ARMCX4: variants seen among roughly 807,000 people sequenced by gnomAD.
The protein encoded by ARMCX4 is armadillo repeat-containing X-linked protein 4.
A neutral mutation model predicts 34.7 loss-of-function variants in ARMCX4; 3 were observed. The ratio of observed to expected loss-of-function variants is 0.09; its 90% CI spans 0.04 to 0.22. ARMCX4 has a LOEUF of 0.22. ARMCX4 is among the 10% of genes least tolerant of loss of function. The pLI, the probability that ARMCX4 is intolerant of heterozygous loss-of-function variation, is 1.00. For missense variants in ARMCX4, 1,448 were observed against 1,720.8 expected (o/e 0.84, Z 2.81); for synonymous variants, 513 against 632.8 (o/e 0.81, Z 2.84).
At chrX:101,521,710 G>C (rs1467527192) in intron 11 of ARMCX4, among the ~76,000 whole-genome samples, 1 of 110,328 alleles carries the variant, frequency 9.1e-6, no homozygotes, top group Non-Finnish European at 1.9e-5. Flanking sequence ...CATAAGTTTT[G>C]GTATGTTGTA....
chrX:101,516,307 C>T (rs1279390371), intron 11 of ARMCX4, among the ~76,000 whole-genome samples: 4 of 111,067 alleles, frequency 3.6e-5, no homozygotes, highest in African/African-American at 1.3e-4. Flanking sequence ...TTATAAACAG[C>T]GGATTTCTAA....
At chrX:101,476,140 A>G (rs1488892395) in intron 4 of ARMCX4, among the ~76,000 whole-genome samples, 1 of 110,398 alleles carries the variant, frequency 9.1e-6, no homozygotes, top group Non-Finnish European at 1.9e-5. Context: ...AAGAGTACTC[A>G]TAGGGGTCAT....
intron 2 of ARMCX4, among the ~76,000 whole-genome samples, chrX:101,434,617 T>C (rs1379301989): frequency 9.0e-6 from 1 of 111,143 alleles, no homozygotes; most frequent in African/African-American, 3.3e-5. Flanking sequence ...TTTTTTATTC[T>C]ATTCAATTTA....
Position 101,495,131 on chromosome X carries a change from A to G in ARMCX4, c.6542A>G (p.Asp2181Gly). Residue 2181 changes from aspartate (D) to glycine (G), a missense_variant, in exon 6 of 6, where the codon GAC (aspartate) becomes GGC (glycine). This residue lies in a region of ARMCX4 where 105 missense variants were observed against 180.2 expected (regional missense o/e 0.58). Transcript: ENST00000423738. ...LLTVGSGETKDHVLGMLLNFS... is the reference protein window; with the variant it reads ...LLTVGSGETKGHVLGMLLNFS... Reference sequence around the variant, plus strand: ...ACGGTGGGAAGTGGAGAAACTAAAGACCATGTTTTGGGAATGCTTTTGAAT... The same window carrying G: ...ACGGTGGGAAGTGGAGAAACTAAAGGCCATGTTTTGGGAATGCTTTTGAAT... The G allele has an allele frequency of 8.7e-7, 1 of 1,155,994 alleles. No homozygotes were observed.
At chrX:101,455,483 G>T (rs782628044) in intron 4 of ARMCX4, among the ~76,000 whole-genome samples, 1 of 110,539 alleles carries the variant, frequency 9.0e-6, no homozygotes, top group East Asian at 2.8e-4. Context: ...GAGCATATTT[G>T]TAGTAAGTAA....
At chrX:101,431,825 G>A (rs1393953131) in intron 2 of ARMCX4, among the ~76,000 whole-genome samples, 1 of 112,523 alleles carries the variant, frequency 8.9e-6, no homozygotes, top group Non-Finnish European at 1.9e-5. Flanking sequence ...TTATAGGCGT[G>A]AGCCACCACG....
chrX:101,420,222 G>T (rs1041904283), intron 2 of ARMCX4, among the ~76,000 whole-genome samples: 1 of 111,593 alleles, frequency 9.0e-6, no homozygotes, highest in Non-Finnish European at 1.9e-5. Context: ...AGCTGGGCAT[G>T]GTGGTGTGCG....
intron 7 of ARMCX4, among the ~76,000 whole-genome samples, chrX:101,501,544 G>A (rs1440299792): frequency 1.3e-4 from 15 of 112,552 alleles, no homozygotes; most frequent in African/African-American, 4.8e-4. Context: ...AGCAGCAGTA[G>A]CAGCAGCAGC....
At position 101,477,430 on chromosome X, in the gene ARMCX4, CAAAAAAAAAAAA is replaced by C. The variant is rs1156582627; in HGVS notation, c.-472-8569_-472-8558del. On this transcript the variant is annotated intron_variant and NMD_transcript_variant, in intron 4 of 15. Coordinates refer to the ARMCX4 transcript ENST00000433011. ...TGGGTGACAGAGCGAGACTCTGTCT[CAAAAAAAAAAAA>C]AAAAAAAAAAAAAAAAAAAAAAATC... Among the ~76,000 whole-genome samples the C allele has an allele frequency of 9.6e-3, 120 of 12,477 alleles. 2 individuals are homozygous for C. The highest frequency in any genetic ancestry group is 0.011 in the Non-Finnish European group (84 of 7,784). The allele number at this position is 12,477 out of a possible 115,157, so 10.8% of individuals were successfully genotyped here. A position where few individuals can be genotyped will look rare whatever the true frequency, so the allele number is the denominator to read the frequency against.
intron 11 of ARMCX4, among the ~76,000 whole-genome samples, chrX:101,525,051 C>T (rs922947773): frequency 1.8e-5 from 2 of 111,438 alleles, no homozygotes; most frequent in Non-Finnish European, 3.8e-5. Flanking sequence ...CAGTAGGGGC[C>T]GACTGACACC....
chrX:101,523,562 G>T (rs1353188387), intron 11 of ARMCX4, among the ~76,000 whole-genome samples: 1 of 111,920 alleles, frequency 8.9e-6, no homozygotes, highest in East Asian at 2.8e-4. Flanking sequence ...AAATATCTGA[G>T]CAGGGACACC....
intron 11 of ARMCX4, among the ~76,000 whole-genome samples, chrX:101,522,097 G>A (rs911909951): frequency 1.8e-5 from 2 of 111,391 alleles, no homozygotes; most frequent in East Asian, 5.6e-4. Context: ...TAGAAGTGGA[G>A]TATTGAATTA....
chrX:101,426,179 C>G (rs781959022), intron 2 of ARMCX4, among the ~76,000 whole-genome samples: 3 of 110,799 alleles, frequency 2.7e-5, no homozygotes, highest in Non-Finnish European at 5.7e-5. Flanking sequence ...AATTAAGGGT[C>G]TGTAGGGAGT....
In ARMCX4 at chrX:101,443,186, G is replaced by A. The variant is rs1931419230; in HGVS notation, n.165-866G>A. Among the ~76,000 whole-genome samples, 3 of 108,265 alleles carry A rather than the reference G, an allele frequency of 2.8e-5. No individual in the cohort carries two copies. In the South Asian group the frequency reaches 1.2e-3, roughly 45 times the overall value. The allele number at this position is 108,265 out of a possible 115,157, so 94.0% of individuals were successfully genotyped here. ...CCCCAATTAAACAGTATTAAAAGGT[G>A]TAGCCTTTTGGAGGCCACATCTTTT... On this transcript the variant is annotated intron_variant and non_coding_transcript_variant, in intron 2 of 3. Transcript: ENST00000430461.
At chrX:101,431,185 G>A (rs781835782) in intron 2 of ARMCX4, among the ~76,000 whole-genome samples, 29 of 111,651 alleles carry the variant, frequency 2.6e-4, no homozygotes, top group Non-Finnish European at 5.1e-4. Flanking sequence ...CTCCCAAGCT[G>A]TAAGAACAGC....
chrX:101,421,800 C>T lies in ARMCX4; in HGVS notation n.164+2800C>T, dbSNP rs1322477614. Among the ~76,000 whole-genome samples, 12 of 110,242 alleles carry T rather than the reference C, an allele frequency of 1.1e-4. No homozygotes were observed. In the Admixed American group the frequency reaches 1.2e-3, roughly 11 times the overall value. ...TAGAGCCCTCATGGCTTAATCACCT[C>T]TTAAAAGTCTCACCTCTTAATACTA... On this transcript the variant is annotated intron_variant and non_coding_transcript_variant, in intron 2 of 3. Transcript: ENST00000430461.
chrX:101,518,709 G>T (rs1310031047), intron 11 of ARMCX4, among the ~76,000 whole-genome samples: 1 of 110,710 alleles, frequency 9.0e-6, no homozygotes, highest in Non-Finnish European at 1.9e-5. Context: ...AACACACAAA[G>T]ATTGAAAATA....
Position 101,486,947 on chromosome X carries a change from T to TAAATA in ARMCX4, c.-366-219_-366-215dup, listed in dbSNP as rs782006379. ...GTCTCAAAATAAATAAAAAATAAAATAAATAAAATAAAATAAAATAAAATA... is the reference window on the plus strand; with the variant it reads ...GTCTCAAAATAAATAAAAAATAAAATAAATAAAATAAAATAAAATAAAATAAAATA... On this transcript the variant is annotated intron_variant, in intron 2 of 5. Coordinates refer to ENST00000423738, the MANE Select transcript of ARMCX4 (RefSeq NM_001256155.3). 5.6e-3 allele frequency among the ~76,000 whole-genome samples: 598 copies of TAAATA among 106,233 alleles called. 3 individuals are homozygous for TAAATA. Among genetic ancestry groups the TAAATA allele is most frequent in the African/African-American group, 0.015 (424 of 28,720 alleles). The allele number at this position is 106,233 out of a possible 115,157, so 92.3% of individuals were successfully genotyped here.
intron 4 of ARMCX4, among the ~76,000 whole-genome samples, chrX:101,476,588 A>T (rs782056795): frequency 9.0e-6 from 1 of 111,338 alleles, no homozygotes; most frequent in South Asian, 3.7e-4. Context: ...ATTTAAGAAA[A>T]AAAAGCATCT....
Sources: gnomAD v4.1 joint callset for allele counts (sites outside exome capture counted in the v4.1 genomes callset) on GRCh38, gnomAD v4.1.1 for gene constraint, gnomAD v4.1.1 regional missense constraint, MANE v1.5 for transcripts, NCBI Gene and HGNC (gene_info 2026-07-23, HGNC 2026-07-21) for gene names.